PAMR1: variants seen among roughly 807,000 people sequenced by gnomAD.
PAMR1 encodes the protein inactive serine protease PAMR1.
A neutral mutation model predicts 81.8 loss-of-function variants in PAMR1; 88 were observed. That is an observed-to-expected ratio of 1.08 (90% CI 0.91 to 1.28). The LOEUF (loss-of-function observed/expected upper bound fraction) is 1.28, where lower values mean the gene tolerates loss of function less well. Ranked by LOEUF, PAMR1 falls within the 50% of genes most tolerant of loss-of-function variation. The pLI is 0.00. For missense variants in PAMR1, 935 were observed against 919.7 expected (o/e 1.02, Z -0.21); for synonymous variants, 336 against 345.3 (o/e 0.97, Z 0.30).
chr11:35,470,941 G>T (rs933820946), intron 4 of PAMR1, 123 bp from the exon 5 acceptor site: 1 of 686,736 alleles, frequency 1.5e-6, no homozygotes, highest in Non-Finnish European at 2.5e-6. Flanking sequence ...TGGCCTGATC[G>T]GATAGGAAAA....
upstream of PAMR1, among the ~76,000 whole-genome samples, chr11:35,527,446 T>G (rs1037137299): frequency 6.6e-6 from 1 of 152,162 alleles, no homozygotes; most frequent in Non-Finnish European, 1.5e-5. Context: ...CATCTCATGG[T>G]ATGAGTCTTG....
At position 35,441,499 on chromosome 11, in the gene PAMR1, G is replaced by C. The variant is rs113777401; in HGVS notation, c.1015C>G (p.Gln339Glu). The change falls in exon 7 of 11, where the codon CAG (glutamine) becomes GAG (glutamate). Residue 339 changes from glutamine to glutamate, a missense_variant. Coordinates refer to ENST00000619888, the MANE Select transcript of PAMR1 (RefSeq NM_001001991.3). ...CQQNGEWSGK[Q>E]PICIKACREP... is the part of the protein sequence containing the mutation. The stretch of plus-strand genomic sequence containing the variant: ...AAGTTACCTTTTATGCAGATGGGCT[G>C]TTTCCCTGACCACTCTCCATTCTGC... 12,294 of 1,611,886 alleles carry C rather than the reference G, an allele frequency of 7.6e-3. 798 individuals carry two copies. The African/African-American group carries it at 0.14, about 19-fold the overall frequency.
At position 35,474,744 on chromosome 11, in the gene PAMR1, C is replaced by G; in HGVS notation, c.380G>C (p.Arg127Pro). 1 of 1,599,838 alleles carries G rather than the reference C, an allele frequency of 6.3e-7. No homozygotes were observed. Among genetic ancestry groups the G allele is most frequent in the Non-Finnish European group, 8.5e-7 (1 of 1,171,206 alleles). Residue 127 changes from arginine (R) to proline (P), a missense_variant and splice_region_variant, in exon 4 of 11, where the codon CGA becomes CCA. By Grantham distance (103) the Arg-to-Pro change is moderately radical. Transcript: ENST00000619888. ...TGGGGCTCGCAGAACCTGGCCACATCCTAAGAAAAGAAGAAAAGATTGGGA... is the reference window on the plus strand; with the variant it reads ...TGGGGCTCGCAGAACCTGGCCACATGCTAAGAAAAGAAGAAAAGATTGGGA... ...RAGWYGGDCM[R>P]CGQVLRAPKG...
intron 2 of PAMR1, among the ~76,000 whole-genome samples, chr11:35,493,215 G>A (rs931285456): frequency 2.0e-5 from 3 of 152,054 alleles, no homozygotes; most frequent in Admixed American, 6.5e-5. Flanking sequence ...CTAGTCATGC[G>A]TGTCCTCCAA....
At chr11:35,478,554 A>AGGT (rs1555038112) in intron 3 of PAMR1, among the ~76,000 whole-genome samples, 3 of 152,106 alleles carry the variant, frequency 2.0e-5, no homozygotes, top group Non-Finnish European at 4.4e-5. Context: ...AGGAGGAGGG[A>AGGT]GCGCTCCCTC....
rs1402361019 is a variant in PAMR1, at chr11:35,474,874, G to A, written c.380-130C>T. ...AGGATGAATAGGGAAAAGGAAGAAG[G>A]AAATTAATGTTTCTCAAGCAGCTGG... On this transcript the variant is annotated intron_variant, in intron 3 of 10. Coordinates refer to ENST00000619888, the MANE Select transcript of PAMR1 (RefSeq NM_001001991.3). The A allele has an allele frequency of 9.7e-6, 6 of 618,520 alleles. No homozygotes were observed. In the South Asian group the frequency reaches 1.0e-4, roughly 10 times the overall value. 38.3% of individuals were successfully genotyped at this position (618,520 alleles called of 1,614,324 possible). A position where few individuals can be genotyped will look rare whatever the true frequency, so the allele number is the denominator to read the frequency against.
intron 1 of PAMR1, among the ~76,000 whole-genome samples, chr11:35,517,790 T>C (rs1851194492): frequency 6.6e-6 from 1 of 152,250 alleles, no homozygotes. Context: ...AAAAGGACTT[T>C]GTCCTGTTCA....
At chr11:35,504,575 T>C (rs1040893231) in intron 1 of PAMR1, among the ~76,000 whole-genome samples, 2 of 152,112 alleles carry the variant, frequency 1.3e-5, no homozygotes, top group South Asian at 4.1e-4. Flanking sequence ...ATTGGATTGT[T>C]GGGGTTCTCT....
At chr11:35,521,451 T>A (rs549798047) in intron 1 of PAMR1, among the ~76,000 whole-genome samples, 1 of 152,166 alleles carries the variant, frequency 6.6e-6, no homozygotes, top group African/African-American at 2.4e-5. Context: ...ATTAAACATA[T>A]GGGTTGAGAG....
chr11:35,461,296 A>G (rs1456921950), intron 6 of PAMR1, among the ~76,000 whole-genome samples: 1 of 152,194 alleles, frequency 6.6e-6, no homozygotes, highest in African/African-American at 2.4e-5. Flanking sequence ...GGCCCTTTCA[A>G]CACTGATGGG....
At chr11:35,442,071 C>T (rs1403854034) in intron 6 of PAMR1, among the ~76,000 whole-genome samples, 1 of 152,152 alleles carries the variant, frequency 6.6e-6, no homozygotes, top group African/African-American at 2.4e-5. Flanking sequence ...TGTATTATCT[C>T]CTTCATTCTT....
At chr11:35,483,348 A>G (rs1590362020) in intron 3 of PAMR1, among the ~76,000 whole-genome samples, 1 of 152,218 alleles carries the variant, frequency 6.6e-6, no homozygotes, top group African/African-American at 2.4e-5. Context: ...TGAGACCACA[A>G]GCTTATAAAG....
intron 1 of PAMR1, among the ~76,000 whole-genome samples, chr11:35,506,413 GTTTTTTTTTTGTTTTTTGGTGT>G (rs1338203591): frequency 1.5e-5 from 2 of 131,644 alleles, no homozygotes; most frequent in Non-Finnish European, 3.3e-5. Flanking sequence ...GCATGTTAGT[GTTTTTTTTTTGTTTTTTGGTGT>G]TTTTTTTTTT....
Position 35,432,409 on chromosome 11 carries a change from C to A in PAMR1, c.2110G>T (p.Ala704Ser). The A allele has an allele frequency of 1.2e-6, 2 of 1,613,992 alleles. No homozygotes were observed. Among genetic ancestry groups the A allele is most frequent in the Non-Finnish European group, 1.7e-6 (2 of 1,180,032 alleles). The change falls in exon 11 of 11, where the codon GCC (alanine) becomes TCC (serine). Residue 704 changes from alanine (A) to serine (S), a missense_variant. By Grantham distance (99) the Ala-to-Ser change is moderately conservative. Transcript: ENST00000619888. ...DKTCSHRLST[A>S]FTKVLPFKDW... ...TTAAAAGGCAGCACCTTGGTGAAGG[C>A]AGTGGAGAGCCTGTGGCTGCATGTT...
chr11:35,509,730 G>T (rs928985677), intron 1 of PAMR1, among the ~76,000 whole-genome samples: 6 of 152,034 alleles, frequency 3.9e-5, no homozygotes, highest in African/African-American at 9.7e-5. Flanking sequence ...CTTTTTTAAA[G>T]AATTAATTCT....
intron 1 of PAMR1, among the ~76,000 whole-genome samples, chr11:35,496,929 G>T (rs757370755): frequency 1.2e-4 from 18 of 152,200 alleles, no homozygotes; most frequent in Non-Finnish European, 2.5e-4. Context: ...ACTTTGGGAG[G>T]CTGAGGCAGG....
At chr11:35,435,279 A>G (rs1415967182) in intron 9 of PAMR1, among the ~76,000 whole-genome samples, 2 of 152,258 alleles carry the variant, frequency 1.3e-5, no homozygotes, top group Admixed American at 6.5e-5. Flanking sequence ...TAGTAAATGC[A>G]GGCCCCTAAT....
chr11:35,434,379 C>T (rs972250310), intron 10 of PAMR1, 133 bp downstream of exon 10: 20 of 757,304 alleles, frequency 2.6e-5, no homozygotes, highest in East Asian at 2.6e-4. Context: ...AAATAATGAA[C>T]GCTGCTATAT....
chr11:35,526,528 A>T (rs1488435346), upstream of PAMR1, among the ~76,000 whole-genome samples: 4 of 152,220 alleles, frequency 2.6e-5, no homozygotes, highest in African/African-American at 9.6e-5. Flanking sequence ...CATGTACCTT[A>T]CATGTATTAA....
Sources: gnomAD v4.1 joint callset for allele counts (sites outside exome capture counted in the v4.1 genomes callset) on GRCh38, gnomAD v4.1.1 for gene constraint, MANE v1.5 for transcripts, NCBI Gene and HGNC (gene_info 2026-07-23, HGNC 2026-07-21) for gene names.